Variants in RPS6KA2 observed in about 807,000 individuals in gnomAD.
RPS6KA2 encodes ribosomal protein S6 kinase A2.
RPS6KA2 carries 42 observed loss-of-function variants against 91.8 expected under a neutral mutation model. The observed-to-expected ratio is 0.46, with a 90% CI of 0.36 to 0.59. RPS6KA2 has a LOEUF of 0.59. Among genes scored for constraint, RPS6KA2 ranks in the 20% least tolerant of loss-of-function variants. The probability of loss-of-function intolerance (pLI) is 0.00; values close to 1 mark genes in which losing one functional copy is unlikely to be tolerated. For missense variants in RPS6KA2, 798 were observed against 978.5 expected (o/e 0.82, Z 2.46); for synonymous variants, 414 against 393.6 (o/e 1.05, Z -0.61).
chr6:166,770,446 AC>A lies in RPS6KA2; in HGVS notation c.123+87753del, dbSNP rs58963186. Among the ~76,000 whole-genome samples the A allele has an allele frequency of 0.096, 14,543 of 152,050 alleles. 1,888 individuals carry two copies. Among genetic ancestry groups the A allele is most frequent in the African/African-American group, 0.29 (11,961 of 41,406 alleles). ...AGACACAGCCCCAGGCAGCTTCAGC[AC>A]CCCCACGTTTGCCTCGCTGCCATGG... On this transcript the variant is annotated intron_variant, in intron 2 of 21. Transcript: ENST00000503859. This position sits in a 1 kb window ranked among gnomAD's most constrained non-coding sequence, Gnocchi z 5.1.
chr6:166,827,033 G>A (rs1427162594), intron 2 of RPS6KA2, among the ~76,000 whole-genome samples: 2 of 152,106 alleles, frequency 1.3e-5, no homozygotes, highest in African/African-American at 4.8e-5. Flanking sequence ...GGGGGTATGG[G>A]GAGACCTTGG....
intron 2 of RPS6KA2, among the ~76,000 whole-genome samples, chr6:166,829,242 G>A (rs1303208887): frequency 6.6e-6 from 1 of 152,202 alleles, no homozygotes; most frequent in Non-Finnish European, 1.5e-5. Flanking sequence ...TGGTGGAAAT[G>A]TAAAATAGTA....
intron 1 of RPS6KA2, among the ~76,000 whole-genome samples, chr6:166,558,054 C>A (rs568521118): frequency 1.5e-4 from 22 of 150,510 alleles, no homozygotes; most frequent in Non-Finnish European, 3.1e-4. Flanking sequence ...ATGTATGTGT[C>A]TATAGATTTG....
intron 1 of RPS6KA2, among the ~76,000 whole-genome samples, chr6:166,579,373 G>C (rs1784937221): frequency 6.6e-6 from 1 of 152,076 alleles, no homozygotes; most frequent in Admixed American, 6.6e-5. Context: ...CCTTCCTGGA[G>C]TGGTGCTGGC....
At position 166,585,333 on chromosome 6, in the gene RPS6KA2, G is replaced by A. The variant is rs61243538; in HGVS notation, c.99+41588C>T. Among the ~76,000 whole-genome samples the A allele has an allele frequency of 3.9e-3, 593 of 152,154 alleles. 3 individuals are homozygous for A. Among genetic ancestry groups the A allele is most frequent in the African/African-American group, 0.013 (554 of 41,532 alleles). On this transcript the variant is annotated intron_variant, in intron 1 of 20. Coordinates refer to ENST00000265678, the MANE Select transcript of RPS6KA2 (RefSeq NM_021135.6). ...TTTTTCTCTTGAAGATTAAGGAATCGAGGATTGCTGACATGTCTGTATTGA... is the reference window on the plus strand; with the variant it reads ...TTTTTCTCTTGAAGATTAAGGAATCAAGGATTGCTGACATGTCTGTATTGA...
intron 2 of RPS6KA2, chr6:166,702,528 A>G (rs1481693138): frequency 1.4e-6 from 2 of 1,457,956 alleles, no homozygotes; most frequent in Non-Finnish European, 1.9e-6. Flanking sequence ...CCACCACTCC[A>G]TACTGGACTA....
intron 2 of RPS6KA2, among the ~76,000 whole-genome samples, chr6:166,673,646 C>G (rs1788542204): frequency 6.6e-6 from 1 of 152,258 alleles, no homozygotes; most frequent in African/African-American, 2.4e-5. Context: ...CAAAGCGCAG[C>G]CTGCAGGCGG....
chr6:166,410,336 T>A lies in RPS6KA2; in HGVS notation c.*2426A>T, dbSNP rs1778262092. The A allele has an allele frequency of 6.6e-6, 1 of 152,410 alleles. No homozygotes were observed. Among genetic ancestry groups the A allele is most frequent in the African/African-American group, 2.4e-5 (1 of 41,456 alleles). The allele number at this position is 152,410 out of a possible 1,614,324, so 9.4% of individuals were successfully genotyped here. ...TTCTAAGAACACCTTCATTTACATG[T>A]CGACTGCTGCTTGAAAGCAGTCACT... On this transcript the variant is annotated 3_prime_UTR_variant, in exon 21 of 21. Coordinates refer to ENST00000265678, the MANE Select transcript of RPS6KA2 (RefSeq NM_021135.6).
rs955575309 is a variant in RPS6KA2, at chr6:166,533,711, T to C, written c.217-2398A>G. Among the ~76,000 whole-genome samples the C allele has an allele frequency of 1.3e-5, 2 of 152,192 alleles. No individual in the cohort carries two copies. Among genetic ancestry groups the C allele is most frequent in the Non-Finnish European group, 1.5e-5 (1 of 68,022 alleles). On this transcript the variant is annotated intron_variant, in intron 2 of 20. Transcript: ENST00000265678. This position sits in a 1 kb window ranked among gnomAD's most constrained non-coding sequence, Gnocchi z 4.0. Reference sequence around the variant, plus strand: ...TGCTCCAGCCCATGGTGGACTTTGGTAGGGTGACAGATGAATCTATCCATT... The same window carrying C: ...TGCTCCAGCCCATGGTGGACTTTGGCAGGGTGACAGATGAATCTATCCATT...
chr6:166,758,869 A>C (rs1169174750), intron 2 of RPS6KA2, among the ~76,000 whole-genome samples: 1 of 152,220 alleles, frequency 6.6e-6, no homozygotes, highest in Non-Finnish European at 1.5e-5. Context: ...CATTGAGATA[A>C]AGAATATTTC....
intron 14 of RPS6KA2, among the ~76,000 whole-genome samples, chr6:166,443,404 T>C (rs190495044): frequency 5.8e-4 from 89 of 152,306 alleles, no homozygotes; most frequent in African/African-American, 2.0e-3. Context: ...GACTTCTTAG[T>C]GGTTCTATGG....
chr6:166,425,025 A>G (rs1311463617), intron 16 of RPS6KA2, among the ~76,000 whole-genome samples: 1 of 152,088 alleles, frequency 6.6e-6, no homozygotes, highest in East Asian at 1.9e-4. Context: ...AGGAGGATAT[A>G]AATGGGTAAA....
chr6:166,775,986 G>C (rs564125620), intron 2 of RPS6KA2, among the ~76,000 whole-genome samples: 1 of 152,344 alleles, frequency 6.6e-6, no homozygotes, highest in East Asian at 1.9e-4. Context: ...GGCATTGCTG[G>C]CTTTATCTGA....
intron 10 of RPS6KA2, among the ~76,000 whole-genome samples, chr6:166,477,272 G>A (rs879589722): frequency 6.6e-6 from 1 of 152,122 alleles, no homozygotes; most frequent in Non-Finnish European, 1.5e-5. Context: ...ACTTAGACAC[G>A]GTTTGAAGGG....
chr6:166,679,568 T>A (rs1274046624), intron 2 of RPS6KA2, among the ~76,000 whole-genome samples: 1 of 152,196 alleles, frequency 6.6e-6, no homozygotes. Flanking sequence ...CAAAAAGAGC[T>A]TGAACGTGAA....
intron 3 of RPS6KA2, among the ~76,000 whole-genome samples, chr6:166,515,145 G>A (rs1258930116): frequency 1.3e-5 from 2 of 152,138 alleles, no homozygotes. Context: ...ACCATGATGT[G>A]GTCCACAGTG....
intron 2 of RPS6KA2, among the ~76,000 whole-genome samples, chr6:166,659,754 C>G (rs555870413): frequency 6.6e-6 from 1 of 152,298 alleles, no homozygotes; most frequent in East Asian, 1.9e-4. Context: ...GTCCTTTGCC[C>G]AGGCTGGCCC....
intron 2 of RPS6KA2, chr6:166,701,995 G>A (rs1583032721): frequency 2.0e-6 from 2 of 1,004,604 alleles, no homozygotes; most frequent in African/African-American, 3.2e-5. Context: ...AAATCTTCAA[G>A]GGGATCTCTT....
chr6:166,461,145 G>C (rs144390322), intron 11 of RPS6KA2, among the ~76,000 whole-genome samples: 3 of 152,188 alleles, frequency 2.0e-5, no homozygotes, highest in Non-Finnish European at 4.4e-5. Context: ...GGGCGTGCAC[G>C]CGGGAACCAT....
Sources: gnomAD v4.1 joint callset for allele counts (sites outside exome capture counted in the v4.1 genomes callset) on GRCh38, gnomAD v4.1.1 for gene constraint, Gnocchi (gnomAD v3.1) non-coding constraint, MANE v1.5 for transcripts, NCBI Gene and HGNC (gene_info 2026-07-23, HGNC 2026-07-21) for gene names.